DOCK7: variants seen among roughly 807,000 people sequenced by gnomAD.
DOCK7 encodes dedicator of cytokinesis 7, also known as dedicator of cytokinesis protein 7.
In DOCK7, 138 loss-of-function variants were observed where a neutral mutation model predicts 271.0. That is an observed-to-expected ratio of 0.51 (90% CI 0.44 to 0.59). The LOEUF (loss-of-function observed/expected upper bound fraction) is 0.59. Ranked by LOEUF, DOCK7 falls within the 20% of genes least tolerant of loss-of-function variation. The pLI is 0.00. For synonymous variants in DOCK7, 823 were observed against 876.1 expected (o/e 0.94, Z 1.07); for missense variants, 2,066 against 2,592.4 (o/e 0.80, Z 4.41).
chr1:62,618,779 T>C lies in DOCK7; in HGVS notation c.1609A>G (p.Ser537Gly), dbSNP rs757833161. 8.7e-6 allele frequency: 14 copies of C among 1,613,652 alleles called. No homozygotes were observed. The Admixed American group carries it at 1.8e-4, about 21-fold the overall frequency. Residue 537 changes from serine to glycine, a missense_variant, in exon 14 of 50, where the codon AGT becomes GGT. This residue lies in a region of DOCK7 where 1,414 missense variants were observed against 1,670.4 expected (regional missense o/e 0.85). Transcript: ENST00000635253. ...ATTTCTCTGGTAGGTCTAACTCTACTGTCAGGGTAAAGCTTCACTTGAAGC... is the reference window on the plus strand; with the variant it reads ...ATTTCTCTGGTAGGTCTAACTCTACCGTCAGGGTAAAGCTTCACTTGAAGC... ...ELLQVKLYPD[S>G]RVRPTREILE...
chr1:62,601,923 C>T (rs185472483), intron 14 of DOCK7: 1 of 1,275,772 alleles, frequency 7.8e-7, no homozygotes, highest in African/African-American at 1.5e-5. Flanking sequence ...GTTAGTTCAA[C>T]TTACTCATTA....
At chr1:62,636,649 T>C (rs1655312471) in intron 7 of DOCK7, 46 bp from the exon 8 acceptor site, 1 of 1,455,964 alleles carries the variant, frequency 6.9e-7, no homozygotes, top group Non-Finnish European at 9.4e-7. Context: ...AAACATGAAA[T>C]ACACAGTTGG....
At chr1:62,502,674 A>G (rs949724125) in intron 37 of DOCK7, among the ~76,000 whole-genome samples, 2 of 152,210 alleles carry the variant, frequency 1.3e-5, no homozygotes, top group African/African-American at 2.4e-5. Flanking sequence ...TTAGAGCAAA[A>G]CCAGAAATTT....
At chr1:62,652,821 G>T (rs1031791445) in intron 4 of DOCK7, among the ~76,000 whole-genome samples, 6 of 152,094 alleles carry the variant, frequency 3.9e-5, no homozygotes, top group African/African-American at 1.4e-4. Flanking sequence ...TATCAAAATT[G>T]TAAGTTCATA....
intron 1 of DOCK7, among the ~76,000 whole-genome samples, chr1:62,669,197 T>A (rs1659654863): frequency 6.6e-6 from 1 of 152,220 alleles, no homozygotes; most frequent in East Asian, 1.9e-4. Flanking sequence ...GGCAGCAGAC[T>A]AGCCACTGAC....
At chr1:62,585,315 A>C (rs537440784) in intron 15 of DOCK7, among the ~76,000 whole-genome samples, 2 of 152,296 alleles carry the variant, frequency 1.3e-5, no homozygotes, top group East Asian at 3.9e-4. Context: ...GAAAATCAGA[A>C]GAACTTCATT....
chr1:62,645,469 A>T (rs1213533196), intron 7 of DOCK7, among the ~76,000 whole-genome samples: 1 of 152,316 alleles, frequency 6.6e-6, no homozygotes, highest in East Asian at 1.9e-4. Context: ...GGAAATAATC[A>T]GAATAAGCAA....
At chr1:62,465,843 C>T (rs934092027) in intron 48 of DOCK7, among the ~76,000 whole-genome samples, 9 of 152,150 alleles carry the variant, frequency 5.9e-5, no homozygotes, top group African/African-American at 2.2e-4. Flanking sequence ...AGCCACTGCA[C>T]CAGGCCTAGA....
At chr1:62,464,597 G>T (rs184958280) in intron 48 of DOCK7, among the ~76,000 whole-genome samples, 1 of 151,778 alleles carries the variant, frequency 6.6e-6, no homozygotes. Flanking sequence ...AAGGAGAATC[G>T]CTTGAACCCG....
chr1:62,604,995 T>C (rs967176454), intron 14 of DOCK7: 16 of 623,552 alleles, frequency 2.6e-5, no homozygotes, highest in Admixed American at 9.2e-5. Flanking sequence ...GAATACCGTT[T>C]ACATTTCTCA....
At chr1:62,462,269 T>G (rs936628394) in intron 48 of DOCK7, among the ~76,000 whole-genome samples, 5 of 152,188 alleles carry the variant, frequency 3.3e-5, no homozygotes, top group Admixed American at 6.5e-5. Flanking sequence ...GGTTATTTTT[T>G]GGGTGCATGG....
chr1:62,557,125 C>T (rs1287742194), intron 20 of DOCK7, among the ~76,000 whole-genome samples: 1 of 150,460 alleles, frequency 6.6e-6, no homozygotes, highest in Admixed American at 6.6e-5. Context: ...GTCTGGAACT[C>T]CTAGCTTCAG....
At position 62,536,959 on chromosome 1, in the gene DOCK7, C is replaced by A. The variant is rs1025310941; in HGVS notation, c.3471+932G>T. 2.8e-4 allele frequency among the ~76,000 whole-genome samples: 43 copies of A among 152,150 alleles called. 1 individual carries two copies. The highest frequency in any genetic ancestry group is 2.8e-3 in the Admixed American group (43 of 15,278). On this transcript the variant is annotated intron_variant, in intron 28 of 49. Coordinates refer to ENST00000635253, the MANE Select transcript of DOCK7 (RefSeq NM_001367561.1). Reference sequence around the variant, plus strand: ...ATAACACTTTTTCATCTACAGAGAACCTACTAGCTGTTGAAGTCAAGTGCC... The same window carrying A: ...ATAACACTTTTTCATCTACAGAGAAACTACTAGCTGTTGAAGTCAAGTGCC...
rs1427395524 is a variant in DOCK7, at chr1:62,529,297, G to A, written c.3761C>T (p.Pro1254Leu). ...PLIGIIMETV[P>L]QLYDFTETHN... is the part of the protein sequence containing the mutation. ...GGTACCTGTAAAATCATACAGCTGA[G>A]GTACAGTTTCCATGATAATACCAAT... Residue 1254 changes from proline to leucine, a missense_variant, in exon 30 of 50, where the codon CCT (proline) becomes CTT (leucine). Pro to Leu is a moderately conservative substitution (Grantham distance 98). This residue lies in a region of DOCK7 where 1,414 missense variants were observed against 1,670.4 expected (regional missense o/e 0.85). Coordinates refer to ENST00000635253, the MANE Select transcript of DOCK7 (RefSeq NM_001367561.1). 4 of 1,608,662 alleles carry A rather than the reference G, an allele frequency of 2.5e-6. No homozygotes were observed. In the African/African-American group the frequency reaches 4.0e-5, roughly 16 times the overall value.
At chr1:62,535,353 T>C in intron 29 of DOCK7, 140 bp downstream of exon 29, 1 of 660,902 alleles carries the variant, frequency 1.5e-6, no homozygotes, top group Non-Finnish European at 2.4e-6. Flanking sequence ...ATAATATAAG[T>C]GAGAAACTTA....
chr1:62,490,060 CTTT>C (rs34084769), intron 41 of DOCK7, among the ~76,000 whole-genome samples: 1 of 126,154 alleles, frequency 7.9e-6, no homozygotes, highest in African/African-American at 2.9e-5. Context: ...ATCCCTTATC[CTTT>C]TTTTTTTTTT....
At chr1:62,566,153 A>T (rs1015079938) in intron 18 of DOCK7, among the ~76,000 whole-genome samples, 2 of 152,208 alleles carry the variant, frequency 1.3e-5, no homozygotes, top group South Asian at 2.1e-4. Context: ...ATTCAATGCC[A>T]TCCCCATCAA....
At chr1:62,485,181 C>T (rs1046336562) in intron 43 of DOCK7, 2 of 985,144 alleles carry the variant, frequency 2.0e-6, no homozygotes, top group Non-Finnish European at 2.4e-6. Flanking sequence ...TTACTTCCTA[C>T]TATTTCGAGG....
chr1:62,643,239 G>A (rs1242596949), intron 7 of DOCK7, among the ~76,000 whole-genome samples: 1 of 152,130 alleles, frequency 6.6e-6, no homozygotes, highest in Non-Finnish European at 1.5e-5. Flanking sequence ...CAACCAAATT[G>A]GCCCAGACTA....
Sources: gnomAD v4.1 joint callset for allele counts (sites outside exome capture counted in the v4.1 genomes callset) on GRCh38, gnomAD v4.1.1 for gene constraint, gnomAD v4.1.1 regional missense constraint, MANE v1.5 for transcripts, NCBI Gene and HGNC (gene_info 2026-07-23, HGNC 2026-07-21) for gene names.